The following PLCL2 variants were observed in gnomAD, a reference collection of about 807,000 sequenced individuals.
The protein encoded by PLCL2 is phospholipase C like 2.
Under a neutral mutation model 79.6 loss-of-function variants are expected in PLCL2, and 4 were observed. The ratio of observed to expected loss-of-function variants is 0.05; its 90% CI spans 0.02 to 0.11. The LOEUF (loss-of-function observed/expected upper bound fraction) is 0.11, where lower values mean the gene tolerates loss of function less well. Ranked by LOEUF, PLCL2 falls within the 10% of genes least tolerant of loss-of-function variation. The pLI is 1.00. For synonymous variants in PLCL2, 484 were observed against 457.7 expected (o/e 1.06, Z -0.73); for missense variants, 895 against 1,291.0 (o/e 0.69, Z 4.70).
rs1559494028 is a variant in PLCL2 at position 16,945,739 on chromosome 3, C to T, written c.327+60373C>T. 3.3e-5 allele frequency among the ~76,000 whole-genome samples: 5 copies of T among 152,156 alleles called. No homozygotes were observed. The South Asian group carries it at 8.3e-4, about 25-fold the overall frequency. The stretch of plus-strand genomic sequence containing the variant: ...TGAATATGTTAACATCAGCAGTCAT[C>T]GGTCATATAGCCACTCTGTTTCCAT... On this transcript the variant is annotated intron_variant, in intron 1 of 5. Coordinates refer to ENST00000615277, the MANE Select transcript of PLCL2 (RefSeq NM_001144382.2).
Position 17,072,391 on chromosome 3 carries a change from G to A in PLCL2, c.3204+4326G>A, listed in dbSNP as rs372452001. On this transcript the variant is annotated intron_variant, in intron 5 of 5. Coordinates refer to ENST00000615277, the MANE Select transcript of PLCL2 (RefSeq NM_001144382.2). ...GCTATGAAAGATGACAATATGGGCC[G>A]GGCATGGTAGCTCACACCTGTAATC... Among the ~76,000 whole-genome samples the A allele has an allele frequency of 1.7e-4, 26 of 152,038 alleles. No individual in the cohort carries two copies. The East Asian group carries it at 3.9e-3, about 23-fold the overall frequency.
At chr3:17,000,789 T>C (rs944895009) in intron 1 of PLCL2, among the ~76,000 whole-genome samples, 1 of 152,142 alleles carries the variant, frequency 6.6e-6, no homozygotes, top group Non-Finnish European at 1.5e-5. Flanking sequence ...TTCCATTATG[T>C]ATACTTACCA....
intron 1 of PLCL2, among the ~76,000 whole-genome samples, chr3:16,940,514 G>A (rs1256734123): frequency 6.6e-6 from 1 of 152,088 alleles, no homozygotes; most frequent in East Asian, 1.9e-4. Flanking sequence ...AGGGGCGTGG[G>A]TTGAAAAACT....
chr3:17,040,958 G>A (rs2064713780), intron 3 of PLCL2, among the ~76,000 whole-genome samples: 1 of 151,892 alleles, frequency 6.6e-6, no homozygotes, highest in Admixed American at 6.6e-5. Flanking sequence ...AATGATGGGG[G>A]CACAGTTGGC....
chr3:16,987,041 C>G (rs1393712450), intron 1 of PLCL2, among the ~76,000 whole-genome samples: 1 of 150,968 alleles, frequency 6.6e-6, no homozygotes, highest in Admixed American at 6.6e-5. Context: ...GGTGCCAGAC[C>G]CCATAAATGT....
intron 5 of PLCL2, chr3:17,081,258 T>C (rs369673022): frequency 3.5e-5 from 16 of 456,546 alleles, no homozygotes; most frequent in Non-Finnish European, 6.2e-5. Flanking sequence ...CCCTCCTCCT[T>C]CTCCTCCCTC....
At chr3:17,081,874 T>C (rs1395714730) in intron 5 of PLCL2, among the ~76,000 whole-genome samples, 1 of 152,192 alleles carries the variant, frequency 6.6e-6, no homozygotes, top group Non-Finnish European at 1.5e-5. Context: ...CCTTAAATAT[T>C]TTGACCTAAG....
intron 1 of PLCL2, among the ~76,000 whole-genome samples, chr3:16,971,517 G>C (rs1017055943): frequency 5.9e-5 from 9 of 152,284 alleles, no homozygotes; most frequent in East Asian, 1.9e-4. Flanking sequence ...GCTTAGGATT[G>C]ACTTGGCAAT....
intron 5 of PLCL2, among the ~76,000 whole-genome samples, chr3:17,074,020 T>C (rs2065086848): frequency 6.6e-6 from 1 of 152,238 alleles, no homozygotes; most frequent in African/African-American, 2.4e-5. Flanking sequence ...CCATGAATCA[T>C]GAATGTTATT....
At chr3:16,901,294 T>TG (rs1696613659) in intron 1 of PLCL2, among the ~76,000 whole-genome samples, 1 of 152,230 alleles carries the variant, frequency 6.6e-6, no homozygotes, top group South Asian at 2.1e-4. Context: ...CTTCAGAATG[T>TG]GGGGGCCACA....
chr3:17,029,363 G>GA (rs199584858), intron 3 of PLCL2, among the ~76,000 whole-genome samples: 145 of 138,800 alleles, frequency 1.0e-3, no homozygotes, highest in East Asian at 4.7e-3. Flanking sequence ...AAGAAAGAAA[G>GA]AAAAAAAAAA....
intron 1 of PLCL2, among the ~76,000 whole-genome samples, chr3:16,936,668 T>C (rs141618186): frequency 0.011 from 1,624 of 152,338 alleles, 31 homozygotes; most frequent in Admixed American, 0.045. Context: ...TTGGGGTGCA[T>C]AGATATTTTT....
chr3:16,925,036 GC>G (rs888106135), intron 1 of PLCL2, among the ~76,000 whole-genome samples: 20 of 151,510 alleles, frequency 1.3e-4, no homozygotes, highest in African/African-American at 4.9e-4. Flanking sequence ...CCATTCTCCT[GC>G]CTCAGCCTCC....
intron 1 of PLCL2, among the ~76,000 whole-genome samples, chr3:16,934,223 G>A (rs184705064): frequency 1.3e-5 from 2 of 152,298 alleles, no homozygotes; most frequent in Admixed American, 6.5e-5. Flanking sequence ...TCCACATAAT[G>A]TGGCCAGTGC....
At chr3:16,905,427 C>A (rs1696728036) in intron 1 of PLCL2, among the ~76,000 whole-genome samples, 1 of 152,128 alleles carries the variant, frequency 6.6e-6, no homozygotes, top group Non-Finnish European at 1.5e-5. Flanking sequence ...AAAATAGCAG[C>A]CTTCTAATGG....
chr3:16,911,625 G>A (rs930680732), intron 1 of PLCL2, among the ~76,000 whole-genome samples: 4 of 152,114 alleles, frequency 2.6e-5, no homozygotes, highest in Non-Finnish European at 5.9e-5. Context: ...GTCATACAAA[G>A]GTGCTGGACT....
intron 1 of PLCL2, among the ~76,000 whole-genome samples, chr3:16,988,110 A>AT (rs1350648006): frequency 1.3e-5 from 2 of 152,132 alleles, no homozygotes; most frequent in African/African-American, 2.4e-5. Context: ...TCCAATGAAG[A>AT]TTTTTTGCTA....
At chr3:17,056,885 C>A (rs2064897089) in intron 4 of PLCL2, among the ~76,000 whole-genome samples, 1 of 152,056 alleles carries the variant, frequency 6.6e-6, no homozygotes, top group African/African-American at 2.4e-5. Flanking sequence ...GAACTAGGGG[C>A]TTGAGGGAAT....
chr3:17,089,314 A>G (rs2065251089), intron 5 of PLCL2, among the ~76,000 whole-genome samples: 3 of 152,230 alleles, frequency 2.0e-5, no homozygotes, highest in South Asian at 2.1e-4. Flanking sequence ...GGGAAAGGGT[A>G]TACAAGACCT....
Sources: allele counts gnomAD v4.1 joint callset (sites outside exome capture counted in the v4.1 genomes callset), GRCh38; gene constraint gnomAD v4.1.1; transcripts MANE v1.5; gene names NCBI Gene and HGNC (gene_info 2026-07-23, HGNC 2026-07-21).